Variants in ZCCHC2 observed in about 807,000 individuals in gnomAD.
ZCCHC2 encodes the protein zinc finger CCHC-type containing 2, also known as zinc finger CCHC domain-containing protein 2.
ZCCHC2 carries 39 observed loss-of-function variants against 103.6 expected under a neutral mutation model. The ratio of observed to expected loss-of-function variants is 0.38; its 90% CI spans 0.29 to 0.49. The LOEUF (loss-of-function observed/expected upper bound fraction) is 0.49. ZCCHC2 is among the 20% of genes least tolerant of loss of function. ZCCHC2 has a pLI of 0.96. For missense variants in ZCCHC2, 1,483 were observed against 1,491.0 expected (o/e 0.99, Z 0.09); for synonymous variants, 687 against 608.9 (o/e 1.13, Z -1.89).
At chr18:62,571,296 T>G (rs1244389728) in intron 12 of ZCCHC2, among the ~76,000 whole-genome samples, 1 of 152,182 alleles carries the variant, frequency 6.6e-6, no homozygotes, top group Non-Finnish European at 1.5e-5. Context: ...TTGTAGCTAC[T>G]ACTGCAAGAG....
At chr18:62,561,700 A>T (rs529246270) in intron 8 of ZCCHC2, among the ~76,000 whole-genome samples, 1 of 152,276 alleles carries the variant, frequency 6.6e-6, no homozygotes, top group Non-Finnish European at 1.5e-5. Flanking sequence ...TTTTGAGAGG[A>T]ACTCACACTT....
chr18:62,542,083 C>T (rs1915215537), intron 2 of ZCCHC2, among the ~76,000 whole-genome samples: 1 of 151,902 alleles, frequency 6.6e-6, no homozygotes, highest in South Asian at 2.1e-4. Flanking sequence ...GTAGTTTATA[C>T]CTACTATGTA....
rs1290768454 is a variant in ZCCHC2, at chr18:62,574,089, C to G, written c.2008C>G (p.Pro670Ala). The G allele has an allele frequency of 1.2e-6, 2 of 1,613,612 alleles. No homozygotes were observed. The highest frequency in any genetic ancestry group is 1.7e-6 in the Non-Finnish European group (2 of 1,179,736). ...TDSNSEDSGN[P>A]STTRFTGYGS... ...CAGCAATTCTGAGGATTCTGGGAATCCATCAACAACTAGGTTTACAGGTTA... is the reference window on the plus strand; with the variant it reads ...CAGCAATTCTGAGGATTCTGGGAATGCATCAACAACTAGGTTTACAGGTTA... The change falls in exon 13 of 14, where the codon CCA becomes GCA. Residue 670 changes from proline (P) to alanine (A), a missense_variant. Physicochemically the swap from Pro to Ala is conservative, Grantham distance 27 (BLOSUM62 -1). Around this residue, in one of 3 missense-constraint regions of ZCCHC2, gnomAD observed 884 missense variants for 907.5 expected, o/e 0.97. Transcript: ENST00000269499.
rs1914108624 is a variant in ZCCHC2 at position 62,523,032 on chromosome 18, C to CGCCCGGCTGCTCCACCTCCTT, written c.-393_-392insGCCCGGCTGCTCCACCTCCTT. 6.6e-6 allele frequency: 1 copy of CGCCCGGCTGCTCCACCTCCTT among 152,380 alleles called. No individual in the cohort carries two copies. Among genetic ancestry groups the CGCCCGGCTGCTCCACCTCCTT allele is most frequent in the African/African-American group, 2.4e-5 (1 of 41,446 alleles). The allele number at this position is 152,380 out of a possible 1,614,324, so 9.4% of individuals were successfully genotyped here. On this transcript the variant is annotated 5_prime_UTR_variant, in exon 1 of 14. Coordinates refer to ENST00000269499, the MANE Select transcript of ZCCHC2 (RefSeq NM_017742.6). ...GCCCGGCCCGGCTGCTCCACCTCCT[C>CGCCCGGCTGCTCCACCTCCTT]ACCCAGCCGCTCCGTCCTCACCGGC...
chr18:62,567,184 G>A (rs1453233058), intron 11 of ZCCHC2, among the ~76,000 whole-genome samples: 1 of 152,142 alleles, frequency 6.6e-6, no homozygotes, highest in African/African-American at 2.4e-5. Flanking sequence ...AAACCCCTCT[G>A]TGTATTAATT....
chr18:62,585,385 T>C (rs1055325296), exon 15 of ZCCHC2: 1 of 152,212 alleles, frequency 6.6e-6, no homozygotes, highest in Non-Finnish European at 1.5e-5. Flanking sequence ...GTACCCCTGC[T>C]GCCCCCAAGA....
At chr18:62,534,301 G>T (rs2145490122) in intron 1 of ZCCHC2, among the ~76,000 whole-genome samples, 1 of 133,754 alleles carries the variant, frequency 7.5e-6, no homozygotes. Context: ...GACAGAGGGA[G>T]ATCCTGTCTT....
chr18:62,523,375 G>GGGGGGGGGGCC lies in ZCCHC2; in HGVS notation c.-49_-48insGGGGGGGGCCG. Reference sequence around the variant, plus strand: ...CGCCTCGGCCCGTGCTCCACCTCGCGGCCCCTCCCGCCCGCCCCCGCTCGC... The same window carrying GGGGGGGGGGCC: ...CGCCTCGGCCCGTGCTCCACCTCGCGGGGGGGGGGCCGCCCCTCCCGCCCGCCCCCGCTCGC... On this transcript the variant is annotated 5_prime_UTR_variant, in exon 1 of 14. Coordinates refer to ENST00000269499, the MANE Select transcript of ZCCHC2 (RefSeq NM_017742.6). The GGGGGGGGGGCC allele has an allele frequency of 9.9e-7, 1 of 1,009,536 alleles. No individual in the cohort carries two copies. The highest frequency in any genetic ancestry group is 1.2e-6 in the Non-Finnish European group (1 of 847,968). 62.5% of individuals were successfully genotyped at this position (1,009,536 alleles called of 1,614,324 possible).
intron 11 of ZCCHC2, among the ~76,000 whole-genome samples, chr18:62,568,869 A>G (rs966459979): frequency 1.3e-5 from 2 of 152,234 alleles, no homozygotes; most frequent in Admixed American, 6.5e-5. Flanking sequence ...TTATTTGGCC[A>G]CTATGGCCCG....
chr18:62,553,914 T>C (rs1207561112), intron 5 of ZCCHC2, among the ~76,000 whole-genome samples: 1 of 152,192 alleles, frequency 6.6e-6, no homozygotes, highest in South Asian at 2.1e-4. Flanking sequence ...ACCATAGAGG[T>C]GTTTTAAATT....
chr18:62,553,156 A>ATGTGTGTGTGTGTGTGTGTG (rs142422088), intron 5 of ZCCHC2, among the ~76,000 whole-genome samples: 1 of 139,742 alleles, frequency 7.2e-6, no homozygotes, highest in Non-Finnish European at 1.5e-5. Context: ...CCTTAGATTT[A>ATGTGTGTGTGTGTGTGTGTG]TGTGTGTGTG....
rs545137683 is a variant in ZCCHC2 at position 62,564,903 on chromosome 18, A to C, written c.1752-99A>C. Reference sequence around the variant, plus strand: ...GTATTTAGATTATTCCTTACTAAAAAAATTTGAAGAGTCTTGAAGGAAATT... The same window carrying C: ...GTATTTAGATTATTCCTTACTAAAACAATTTGAAGAGTCTTGAAGGAAATT... On this transcript the variant is annotated intron_variant, in intron 10 of 13. Coordinates refer to ENST00000269499, the MANE Select transcript of ZCCHC2 (RefSeq NM_017742.6). 16 of 877,024 alleles carry C rather than the reference A, an allele frequency of 1.8e-5. No individual in the cohort carries two copies. In the African/African-American group the frequency reaches 2.4e-4, roughly 13 times the overall value. The allele number at this position is 877,024 out of a possible 1,614,324, so 54.3% of individuals were successfully genotyped here. A position where few individuals can be genotyped will look rare whatever the true frequency, so the allele number is the denominator to read the frequency against.
chr18:62,523,869 G>A lies in ZCCHC2; in HGVS notation c.445G>A (p.Glu149Lys). Residue 149 changes from glutamate to lysine, a missense_variant, in exon 1 of 14, where the codon GAG (glutamate) becomes AAG (lysine). Physicochemically the swap from Glu to Lys is moderately conservative, Grantham distance 56. Around this residue, in one of 3 missense-constraint regions of ZCCHC2, gnomAD observed 568 missense variants for 525.1 expected, o/e 1.08. Coordinates refer to ENST00000269499, the MANE Select transcript of ZCCHC2 (RefSeq NM_017742.6). Reference protein sequence around the residue: ...RKDYHYLRDSEAKANGLSDPG... With the variant: ...RKDYHYLRDSKAKANGLSDPG... ...GGACTACCACTACCTGCGCGACTCG[G>A]AGGCCAAGGCCAACGGCCTCTCGGA... is the stretch of plus-strand genomic sequence containing the variant. The A allele has an allele frequency of 1.9e-6, 3 of 1,543,998 alleles. No individual in the cohort carries two copies. The highest frequency in any genetic ancestry group is 2.6e-6 in the Non-Finnish European group (3 of 1,146,112).
Position 62,570,246 on chromosome 18 carries a change from G to A in ZCCHC2, c.1975+15G>A, listed in dbSNP as rs1212785311. 1 of 1,609,896 alleles carries A rather than the reference G, an allele frequency of 6.2e-7. No individual in the cohort carries two copies. The highest frequency in any genetic ancestry group is 1.7e-4 in the Middle Eastern group (1 of 6,060). The stretch of plus-strand genomic sequence containing the variant: ...GAAAGACAGAGGTTTGCTCTTTGAA[G>A]TGGGAGTATTGTTGGCATGGCAGGG... On this transcript the variant is annotated intron_variant, in intron 12 of 13. Coordinates refer to ENST00000269499, the MANE Select transcript of ZCCHC2 (RefSeq NM_017742.6).
chr18:62,569,629 G>A (rs901928799), intron 11 of ZCCHC2, among the ~76,000 whole-genome samples: 3 of 151,794 alleles, frequency 2.0e-5, no homozygotes, highest in Non-Finnish European at 4.4e-5. Context: ...CACTACCTCA[G>A]TATAGGCTTG....
At chr18:62,545,536 A>G (rs1434415200) in intron 4 of ZCCHC2, among the ~76,000 whole-genome samples, 1 of 152,250 alleles carries the variant, frequency 6.6e-6, no homozygotes, top group South Asian at 2.1e-4. Flanking sequence ...AAGGTATCTT[A>G]GATCATTTTG....
At chr18:62,538,439 T>G (rs1915027172) in intron 1 of ZCCHC2, among the ~76,000 whole-genome samples, 1 of 152,184 alleles carries the variant, frequency 6.6e-6, no homozygotes, top group South Asian at 2.1e-4. Context: ...TTTTACATTT[T>G]TTAATAAAAT....
chr18:62,573,845 G>A (rs1916686462), intron 12 of ZCCHC2, among the ~76,000 whole-genome samples: 1 of 152,068 alleles, frequency 6.6e-6, no homozygotes, highest in African/African-American at 2.4e-5. Flanking sequence ...TTTGTTTTCT[G>A]TTTATATCCC....
At position 62,574,840 on chromosome 18, in the gene ZCCHC2, G is replaced by A; in HGVS notation, c.2759G>A (p.Gly920Asp). 2 of 1,613,888 alleles carry A rather than the reference G, an allele frequency of 1.2e-6. No homozygotes were observed. The highest frequency in any genetic ancestry group is 1.7e-6 in the Non-Finnish European group (2 of 1,179,874). ...CCACCAGCTTCCTACCCCTTACCAG[G>A]CTCTCCCCTTGCTGCCGGCGTGTTA... is the stretch of plus-strand genomic sequence containing the variant. ...AQPPASYPLP[G>D]SPLAAGVLPS... Residue 920 changes from glycine to aspartate, a missense_variant, in exon 13 of 14, where the codon GGC becomes GAC. Gly to Asp is a moderately conservative substitution (Grantham distance 94). Coordinates refer to ENST00000269499, the MANE Select transcript of ZCCHC2 (RefSeq NM_017742.6).
Sources: allele counts gnomAD v4.1 joint callset (sites outside exome capture counted in the v4.1 genomes callset), GRCh38; gene constraint gnomAD v4.1.1; regional missense constraint gnomAD v4.1.1; transcripts MANE v1.5; gene names NCBI Gene and HGNC (gene_info 2026-07-23, HGNC 2026-07-21).